Variants in STAG1 observed in about 807,000 individuals in gnomAD.
STAG1 encodes cohesin subunit SA-1.
Under a neutral mutation model 170.9 loss-of-function variants are expected in STAG1, and 26 were observed. The ratio of observed to expected loss-of-function variants is 0.15; its 90% CI spans 0.11 to 0.21. The LOEUF (loss-of-function observed/expected upper bound fraction) is 0.21, where lower values mean the gene tolerates loss of function less well. Ranked by LOEUF, STAG1 falls within the 10% of genes least tolerant of loss-of-function variation. The pLI is 1.00. For missense variants in STAG1, 964 were observed against 1,509.5 expected (o/e 0.64, Z 5.99); for synonymous variants, 514 against 497.7 (o/e 1.03, Z -0.44).
chr3:136,611,911 G>A (rs1378659225), intron 3 of STAG1, among the ~76,000 whole-genome samples: 1 of 151,532 alleles, frequency 6.6e-6, no homozygotes, highest in Non-Finnish European at 1.5e-5. Flanking sequence ...GCAGTGGCGC[G>A]ATCTCGGCTC....
At chr3:136,580,225 C>T (rs1937561812) in intron 4 of STAG1, among the ~76,000 whole-genome samples, 1 of 151,762 alleles carries the variant, frequency 6.6e-6, no homozygotes, top group Non-Finnish European at 1.5e-5. Flanking sequence ...CCTTGGCCTC[C>T]CAAAGTGCTG....
chr3:136,698,603 G>A (rs1942965128), intron 1 of STAG1, among the ~76,000 whole-genome samples: 1 of 152,130 alleles, frequency 6.6e-6, no homozygotes, highest in South Asian at 2.1e-4. Flanking sequence ...TTAAACAAAA[G>A]TAGAACTACC....
chr3:136,581,439 AAC>A (rs1428651492), intron 4 of STAG1, among the ~76,000 whole-genome samples: 1 of 152,210 alleles, frequency 6.6e-6, no homozygotes, highest in African/African-American at 2.4e-5. Context: ...TTTTAAAGGA[AAC>A]ACAAATATTT....
chr3:136,460,405 C>T (rs1263878755), intron 13 of STAG1, among the ~76,000 whole-genome samples: 4 of 152,080 alleles, frequency 2.6e-5, no homozygotes, highest in Admixed American at 6.6e-5. Context: ...AGTTTGAGAC[C>T]AGCCTGGCCA....
intron 15 of STAG1, among the ~76,000 whole-genome samples, chr3:136,442,995 C>T (rs1384119632): frequency 6.6e-6 from 1 of 152,106 alleles, no homozygotes; most frequent in East Asian, 1.9e-4. Context: ...GGTGACAGAG[C>T]AAGACCCTGT....
chr3:136,747,644 C>A (rs1247989112), intron 1 of STAG1, among the ~76,000 whole-genome samples: 1 of 152,200 alleles, frequency 6.6e-6, no homozygotes, highest in Non-Finnish European at 1.5e-5. Context: ...TGCACAACTG[C>A]ACTCCAGCCT....
At chr3:136,454,279 C>T (rs1204675026) in intron 13 of STAG1, among the ~76,000 whole-genome samples, 1 of 151,960 alleles carries the variant, frequency 6.6e-6, no homozygotes, top group Non-Finnish European at 1.5e-5. Context: ...AGGGTTTCAC[C>T]ATGTTGGCCA....
intron 7 of STAG1, among the ~76,000 whole-genome samples, chr3:136,511,212 A>G (rs1934047968): frequency 1.3e-5 from 2 of 152,242 alleles, no homozygotes; most frequent in Non-Finnish European, 1.5e-5. Flanking sequence ...CTAGCAATGC[A>G]GAACTGTGTG....
At chr3:136,587,469 G>A (rs1937888952) in intron 4 of STAG1, among the ~76,000 whole-genome samples, 13 of 144,446 alleles carry the variant, frequency 9.0e-5, no homozygotes, top group Admixed American at 8.3e-4. Flanking sequence ...GAACCTGGAA[G>A]GTGGAGGTTG....
intron 6 of STAG1, among the ~76,000 whole-genome samples, chr3:136,526,609 T>C (rs759551035): frequency 3.4e-4 from 52 of 152,326 alleles, no homozygotes; most frequent in Middle Eastern, 3.4e-3. Flanking sequence ...AAGGTTAATA[T>C]TGTTATGTGT....
chr3:136,422,499 T>C lies in STAG1; in HGVS notation c.1948A>G (p.Ile650Val), dbSNP rs768370674. Residue 650 changes from isoleucine to valine, a missense_variant, in exon 19 of 34, where the codon ATC becomes GTC. This residue lies in a region of STAG1 where 232 missense variants were observed against 313.0 expected (regional missense o/e 0.74). Coordinates refer to ENST00000383202, the MANE Select transcript of STAG1 (RefSeq NM_005862.3). ...CGAGCTATGTCAACTCTGTTCTGGA[T>C]GGTATATTCTTCACTGCATAAGATA... ...YSILCSEEYT[I>V]QNRVDIARSQ... 7 of 1,614,070 alleles carry C rather than the reference T, an allele frequency of 4.3e-6. No homozygotes were observed. Among genetic ancestry groups the C allele is most frequent in the East Asian group, 2.2e-5 (1 of 44,848 alleles).
In STAG1 at chr3:136,349,410, T is replaced by C. The variant is rs781076061; in HGVS notation, c.3066-47A>G. 4.2e-6 allele frequency: 6 copies of C among 1,415,666 alleles called. No homozygotes were observed. In the African/African-American group the frequency reaches 8.5e-5, roughly 20 times the overall value. 87.7% of individuals were successfully genotyped at this position (1,415,666 alleles called of 1,614,324 possible). ...CAGTGATTTTCAGAGAAGCAGTTCA[T>C]ACATCACTTACTTTTTCTTAATCTG... On this transcript the variant is annotated intron_variant, in intron 28 of 33. Coordinates refer to ENST00000383202, the MANE Select transcript of STAG1 (RefSeq NM_005862.3).
chr3:136,340,683 TA>T, intron 31 of STAG1, 78 bp from the exon 32 acceptor site: 1 of 916,876 alleles, frequency 1.1e-6, no homozygotes. Flanking sequence ...AGATTAAAGT[TA>T]TTCTAACCAA....
At chr3:136,530,707 T>C (rs1423800585) in intron 6 of STAG1, among the ~76,000 whole-genome samples, 1 of 152,020 alleles carries the variant, frequency 6.6e-6, no homozygotes, top group Non-Finnish European at 1.5e-5. Flanking sequence ...AAACATGCCT[T>C]GAAATAAATG....
At chr3:136,638,135 T>C (rs1940648416) in intron 1 of STAG1, among the ~76,000 whole-genome samples, 1 of 151,774 alleles carries the variant, frequency 6.6e-6, no homozygotes, top group South Asian at 2.1e-4. Flanking sequence ...ATTTTCTTTT[T>C]TTTTTTTTGA....
At chr3:136,614,668 T>C (rs1939491984) in intron 3 of STAG1, among the ~76,000 whole-genome samples, 1 of 152,230 alleles carries the variant, frequency 6.6e-6, no homozygotes, top group Non-Finnish European at 1.5e-5. Flanking sequence ...TAAACTGTTT[T>C]AAATACACAA....
chr3:136,366,628 C>T (rs1213473548), intron 25 of STAG1, among the ~76,000 whole-genome samples: 1 of 152,108 alleles, frequency 6.6e-6, no homozygotes, highest in Admixed American at 6.6e-5. Context: ...ACTGAGTATT[C>T]CCTCCCATCT....
chr3:136,528,948 C>G (rs9828088), intron 6 of STAG1, among the ~76,000 whole-genome samples: 1 of 150,508 alleles, frequency 6.6e-6, no homozygotes, highest in Non-Finnish European at 1.5e-5. Context: ...AAAAACAAAA[C>G]AAAACAAAAA....
At chr3:136,521,568 TTC>T (rs1934672427) in intron 6 of STAG1, 151 bp from the exon 7 acceptor site, 1 of 614,820 alleles carries the variant, frequency 1.6e-6, no homozygotes, top group South Asian at 2.1e-5. Flanking sequence ...ATTGCTTTAT[TTC>T]TCTTTGATTT....
Sources: gnomAD v4.1 joint callset for allele counts (sites outside exome capture counted in the v4.1 genomes callset) on GRCh38, gnomAD v4.1.1 for gene constraint, gnomAD v4.1.1 regional missense constraint, MANE v1.5 for transcripts, NCBI Gene and HGNC (gene_info 2026-07-23, HGNC 2026-07-21) for gene names.